EHMT1: variants seen among roughly 807,000 people sequenced by gnomAD.
EHMT1 encodes euchromatic histone lysine methyltransferase 1.
Under a neutral mutation model 147.2 loss-of-function variants are expected in EHMT1, and 15 were observed. That is an observed-to-expected ratio of 0.10 (90% CI 0.07 to 0.16). EHMT1 has a LOEUF of 0.16. EHMT1 is among the 10% of genes least tolerant of loss of function. The pLI, the probability that EHMT1 is intolerant of heterozygous loss-of-function variation, is 1.00. For missense variants in EHMT1, 1,587 were observed against 1,772.4 expected (o/e 0.90, Z 1.88); for synonymous variants, 795 against 709.6 (o/e 1.12, Z -1.91).
chr9:137,704,027 C>T (rs1358462357), intron 1 of EHMT1, among the ~76,000 whole-genome samples: 1 of 152,102 alleles, frequency 6.6e-6, no homozygotes, highest in African/African-American at 2.4e-5. Flanking sequence ...GAAGCGAGCA[C>T]ATCTTACCTG....
intron 3 of EHMT1, among the ~76,000 whole-genome samples, chr9:137,721,174 C>T (rs1945938251): frequency 7.0e-6 from 1 of 143,814 alleles, no homozygotes; most frequent in Non-Finnish European, 1.5e-5. Context: ...TTCTCACACT[C>T]ACCCCCTCCC....
At chr9:137,636,988 C>T (rs1169527668) in intron 1 of EHMT1, among the ~76,000 whole-genome samples, 1 of 150,776 alleles carries the variant, frequency 6.6e-6, no homozygotes, top group African/African-American at 2.4e-5. Context: ...AGCTCTGCCT[C>T]CTGGGTTCAC....
At chr9:137,646,442 A>AGAGGGCTGAATGGGAGCCCCGAG in intron 1 of EHMT1, 4 of 985,494 alleles carry the variant, frequency 4.1e-6, no homozygotes, top group Non-Finnish European at 4.8e-6. Flanking sequence ...CTGGAAAGTA[A>AGAGGGCTGAATGGGAGCCCCGAG]GAGGGCTGAA....
intron 1 of EHMT1, among the ~76,000 whole-genome samples, chr9:137,627,959 C>T (rs1337587564): frequency 2.6e-5 from 4 of 152,198 alleles, no homozygotes; most frequent in Non-Finnish European, 4.4e-5. Context: ...ATCCACCCTC[C>T]TGGGTCTCCC....
At chr9:137,768,906 C>T (rs988900016) in intron 10 of EHMT1, among the ~76,000 whole-genome samples, 2 of 151,890 alleles carry the variant, frequency 1.3e-5, no homozygotes, top group East Asian at 1.9e-4. Context: ...AGGCTGGTCT[C>T]GAACTCCTGA....
chr9:137,817,375 G>T (rs1191565394), intron 23 of EHMT1, 64 bp from the exon 24 acceptor site: 11 of 1,595,064 alleles, frequency 6.9e-6, no homozygotes, highest in Admixed American at 5.0e-5. Context: ...GCTGGCTTTT[G>T]CTGACCATTG....
intron 1 of EHMT1, among the ~76,000 whole-genome samples, chr9:137,622,494 T>C (rs532853265): frequency 2.0e-5 from 3 of 152,336 alleles, no homozygotes; most frequent in African/African-American, 4.8e-5. Flanking sequence ...TTTCTAAATA[T>C]ATGTTTGTAT....
At chr9:137,760,828 T>C (rs1156246736) in intron 9 of EHMT1, among the ~76,000 whole-genome samples, 1 of 152,098 alleles carries the variant, frequency 6.6e-6, no homozygotes, top group Non-Finnish European at 1.5e-5. Context: ...GCTAACACAG[T>C]GAAACCCCGT....
In EHMT1 at chr9:137,743,510, T is replaced by C. The variant is rs1454684805; in HGVS notation, c.963T>C (p.His321=). The C allele has an allele frequency of 1.2e-6, 2 of 1,614,150 alleles. No homozygotes were observed. The highest frequency in any genetic ancestry group is 1.7e-6 in the Non-Finnish European group (2 of 1,180,026). ...TTGAGATGTTTAAGAGCATAACTCATTCCACTGTGGGTTCCAAGGTAAGAG... is the reference window on the plus strand; with the variant it reads ...TTGAGATGTTTAAGAGCATAACTCACTCCACTGTGGGTTCCAAGGTAAGAG... ...TVIEMFKSIT[H]STVGSKGEKD... is the part of the protein sequence containing the mutation. Residue 321 remains histidine, a synonymous_variant, in exon 5 of 27, where the codon CAT becomes CAC. Coordinates refer to ENST00000460843, the MANE Select transcript of EHMT1 (RefSeq NM_024757.5).
intron 1 of EHMT1, among the ~76,000 whole-genome samples, chr9:137,689,199 A>G (rs1942724047): frequency 1.3e-5 from 2 of 152,232 alleles, no homozygotes; most frequent in Admixed American, 1.3e-4. Flanking sequence ...AAAAAATCAA[A>G]CATTGCAAAT....
intron 3 of EHMT1, among the ~76,000 whole-genome samples, chr9:137,728,033 C>A (rs1294015127): frequency 1.3e-5 from 2 of 152,148 alleles, no homozygotes; most frequent in Non-Finnish European, 2.9e-5. Flanking sequence ...GAAAATGTTT[C>A]AGGTTTTGTG....
At chr9:137,642,437 C>T in intron 1 of EHMT1, among the ~76,000 whole-genome samples, 1 of 152,012 alleles carries the variant, frequency 6.6e-6, no homozygotes, top group East Asian at 1.9e-4. Flanking sequence ...TCCTGAGTAG[C>T]TGGGACTGCA....
chr9:137,755,999 C>T (rs1007399326), intron 8 of EHMT1, among the ~76,000 whole-genome samples: 4 of 152,210 alleles, frequency 2.6e-5, no homozygotes, highest in African/African-American at 9.7e-5. Flanking sequence ...CTCTGACCTG[C>T]CTTTTCATTT....
At chr9:137,678,047 C>T (rs1018769709) in intron 1 of EHMT1, among the ~76,000 whole-genome samples, 3 of 152,038 alleles carry the variant, frequency 2.0e-5, no homozygotes, top group South Asian at 2.1e-4. Context: ...CCAGCCTGGG[C>T]GACAGAGCGA....
intron 25 of EHMT1, among the ~76,000 whole-genome samples, chr9:137,824,448 C>T (rs1470527723): frequency 1.3e-5 from 2 of 148,848 alleles, no homozygotes; most frequent in Non-Finnish European, 2.9e-5. Context: ...GGTCCTCATA[C>T]TCCTCATACT....
rs555022978 is a variant in EHMT1 at position 137,823,268 on chromosome 9, T to C, written c.3540+5130T>C. On this transcript the variant is annotated intron_variant, in intron 25 of 26. Transcript: ENST00000460843. The stretch of plus-strand genomic sequence containing the variant: ...CGCCCACCACCACGCCCAGCTAATT[T>C]TTTGTATTTTTAGTAGAGACAGGGT... Among the ~76,000 whole-genome samples, 4 of 149,826 alleles carry C rather than the reference T, an allele frequency of 2.7e-5. No homozygotes were observed. The East Asian group carries it at 7.9e-4, about 30-fold the overall frequency.
Position 137,835,004 on chromosome 9 carries a change from G to A in EHMT1, c.*51G>A, listed in dbSNP as rs1221071423. 2.4e-5 allele frequency: 33 copies of A among 1,363,192 alleles called. No individual in the cohort carries two copies. Among genetic ancestry groups the A allele is most frequent in the Non-Finnish European group, 2.8e-5 (30 of 1,065,128 alleles). 84.4% of individuals were successfully genotyped at this position (1,363,192 alleles called of 1,614,324 possible). ...GGGAGCCAGGGACCGCCGCGTCGCC[G>A]ATTAGAGGACGAGGAGGAGAGATTC... is the stretch of plus-strand genomic sequence containing the variant. On this transcript the variant is annotated 3_prime_UTR_variant, in exon 27 of 27. Transcript: ENST00000460843.
chr9:137,659,174 G>GT, intron 1 of EHMT1, among the ~76,000 whole-genome samples: 1 of 151,668 alleles, frequency 6.6e-6, no homozygotes, highest in African/African-American at 2.4e-5. Context: ...AAAACATAAT[G>GT]TATTTTTCTT....
intron 22 of EHMT1, chr9:137,814,761 G>T: frequency 1.7e-6 from 1 of 597,552 alleles, no homozygotes; most frequent in Non-Finnish European, 3.0e-6. Flanking sequence ...GATGGTGGCG[G>T]GGGTGGGCAG....
Sources: allele counts gnomAD v4.1 joint callset (sites outside exome capture counted in the v4.1 genomes callset), GRCh38; gene constraint gnomAD v4.1.1; transcripts MANE v1.5; gene names NCBI Gene and HGNC (gene_info 2026-07-23, HGNC 2026-07-21).